Variants in CMTR2 observed in about 807,000 individuals in gnomAD.
The protein encoded by CMTR2 is cap-specific mRNA (nucleoside-2'-O-)-methyltransferase 2.
Under a neutral mutation model 49.8 loss-of-function variants are expected in CMTR2, and 40 were observed. The ratio of observed to expected loss-of-function variants is 0.80; its 90% CI spans 0.62 to 1.04. CMTR2 has a LOEUF of 1.04. Ranked by LOEUF, CMTR2 falls within the 50% of genes least tolerant of loss-of-function variation. The pLI is 0.00. For synonymous variants in CMTR2, 326 were observed against 315.8 expected (o/e 1.03, Z -0.34); for missense variants, 907 against 897.2 (o/e 1.01, Z -0.14).
Position 71,284,353 on chromosome 16 carries a change from A to G in CMTR2, c.1568T>C (p.Ile523Thr). The G allele has an allele frequency of 1.2e-6, 2 of 1,613,546 alleles. No homozygotes were observed. The highest frequency in any genetic ancestry group is 8.5e-7 in the Non-Finnish European group (1 of 1,179,850). Residue 523 changes from isoleucine to threonine, a missense_variant, in exon 3 of 3, where the codon ATT becomes ACT. Ile to Thr is a moderately conservative substitution (Grantham distance 89). Transcript: ENST00000434935. ...GEILKTLNEAIEKSLGGAFNL... is the reference protein window; with the variant it reads ...GEILKTLNEATEKSLGGAFNL... The stretch of plus-strand genomic sequence containing the variant: ...AAAAGCTCCTCCTAATGACTTTTCA[A>G]TTGCTTCATTAAGAGTTTTTAAAAT...
chr16:71,284,317 G>A lies in CMTR2; in HGVS notation c.1604C>T (p.Ser535Phe), dbSNP rs761701086. The change falls in exon 3 of 3, where the codon TCC (serine) becomes TTC (phenylalanine). Residue 535 changes from serine (S) to phenylalanine (F), a missense_variant. Transcript: ENST00000434935. ...KSLGGAFNLDSKFRPKQQYSC... is the reference protein window; with the variant it reads ...KSLGGAFNLDFKFRPKQQYSC... ...ATACTGCTGTTTTGGCCTAAACTTG[G>A]AATCCAAATTAAAAGCTCCTCCTAA... 6.2e-7 allele frequency: 1 copy of A among 1,613,672 alleles called. No homozygotes were observed. Among genetic ancestry groups the A allele is most frequent in the South Asian group, 1.1e-5 (1 of 90,962 alleles).
intron 2 of CMTR2, chr16:71,288,268 TA>T (rs1195461221): frequency 1.3e-5 from 2 of 152,230 alleles, no homozygotes; most frequent in Non-Finnish European, 2.9e-5. Flanking sequence ...CTCCTTCCAA[TA>T]TTTGCTCAAA....
rs1017091511 is a variant in CMTR2 at position 71,283,259 on chromosome 16, C to A, written c.*349G>T. 10 of 185,098 alleles carry A rather than the reference C, an allele frequency of 5.4e-5. No homozygotes were observed. The highest frequency in any genetic ancestry group is 1.4e-4 in the East Asian group (1 of 7,344). The allele number at this position is 185,098 out of a possible 1,614,324, so 11.5% of individuals were successfully genotyped here. On this transcript the variant is annotated 3_prime_UTR_variant, in exon 3 of 3. Coordinates refer to ENST00000434935, the MANE Select transcript of CMTR2 (RefSeq NM_018348.6). ...GAGGAAATCGGCTGGAAAAAAAAAA[C>A]TAATCTGAACAAAGGTACACAGATG... is the stretch of plus-strand genomic sequence containing the variant.
intron 2 of CMTR2, chr16:71,286,596 G>A (rs2041731748): frequency 1.3e-5 from 2 of 152,020 alleles, no homozygotes; most frequent in Admixed American, 1.3e-4. Context: ...TCTAAGACAG[G>A]CACTTTGGTG....
In CMTR2 at chr16:71,284,573, G is replaced by C. The variant is rs373666425; in HGVS notation, c.1348C>G (p.Leu450Val). ...YFKTYNERKM[L>V]EALSWKDKVA... ...TTATCTTTCCATGAAAGGGCTTCTA[G>C]CATCTTCCTTTCATTATAAGTTTTA... The change falls in exon 3 of 3, where the codon CTA (leucine) becomes GTA (valine). Residue 450 changes from leucine (L) to valine (V), a missense_variant. Transcript: ENST00000434935. 1.2e-6 allele frequency: 2 copies of C among 1,613,544 alleles called. No individual in the cohort carries two copies. The highest frequency in any genetic ancestry group is 1.7e-5 in the Admixed American group (1 of 59,964).
At position 71,283,680 on chromosome 16, in the gene CMTR2, A is replaced by G. The variant is rs1374930340; in HGVS notation, c.2241T>C (p.Ala747=). 1 of 1,613,832 alleles carries G rather than the reference A, an allele frequency of 6.2e-7. No homozygotes were observed. The highest frequency in any genetic ancestry group is 1.1e-5 in the South Asian group (1 of 91,062). ...GAATAATGAAATGCAAATGCCTTTT[A>G]GCAATGGCAGCATTCAAATCCCACA... ...DFLWDLNAAI[A]KRHLHFIIQR... The change falls in exon 3 of 3, where the codon GCT becomes GCC. Residue 747 remains alanine (A), a synonymous_variant. Transcript: ENST00000434935.
Position 71,285,405 on chromosome 16 carries a change from A to T in CMTR2, c.516T>A (p.Asn172Lys). ...RFPCHWSWVA[N>K]TLNPYHEAND... is the part of the protein sequence containing the mutation. ...TTGCTTCATGGTATGGATTCAGAGT[A>T]TTCGCTACCCAACTCCAATGACAAG... is the stretch of plus-strand genomic sequence containing the variant. Residue 172 changes from asparagine (N) to lysine (K), a missense_variant, in exon 3 of 3, where the codon AAT becomes AAA. Physicochemically the swap from Asn to Lys is moderately conservative, Grantham distance 94. Coordinates refer to ENST00000434935, the MANE Select transcript of CMTR2 (RefSeq NM_018348.6). 6.2e-7 allele frequency: 1 copy of T among 1,614,176 alleles called. No homozygotes were observed. Among genetic ancestry groups the T allele is most frequent in the Non-Finnish European group, 8.5e-7 (1 of 1,179,988 alleles).
In CMTR2 at chr16:71,284,240, T is replaced by G; in HGVS notation, c.1681A>C (p.Ser561Arg). The G allele has an allele frequency of 6.2e-7, 1 of 1,614,072 alleles. No individual in the cohort carries two copies. The highest frequency in any genetic ancestry group is 8.5e-7 in the Non-Finnish European group (1 of 1,179,944). ...SEELIFSELCSLTECLQDEQV... is the reference protein window; with the variant it reads ...SEELIFSELCRLTECLQDEQV... ...TCATCCTGAAGGCACTCAGTAAGGCTACACAACTCGGAAAATATCAGTTCT... is the reference window on the plus strand; with the variant it reads ...TCATCCTGAAGGCACTCAGTAAGGCGACACAACTCGGAAAATATCAGTTCT... The change falls in exon 3 of 3, where the codon AGC becomes CGC. Residue 561 changes from serine to arginine, a missense_variant. Coordinates refer to ENST00000434935, the MANE Select transcript of CMTR2 (RefSeq NM_018348.6).
Position 71,284,466 on chromosome 16 carries a change from T to C in CMTR2, c.1455A>G (p.Thr485=). The C allele has an allele frequency of 6.2e-7, 1 of 1,614,046 alleles. No homozygotes were observed. Among genetic ancestry groups the C allele is most frequent in the Non-Finnish European group, 8.5e-7 (1 of 1,179,976 alleles). The change falls in exon 3 of 3, where the codon ACA becomes ACG. Residue 485 remains threonine, a synonymous_variant. Transcript: ENST00000434935. ...HPGQSSILEG[T]ASNLECHLWH... ...ATAAGTGACACTCAAGATTGGAAGC[T>C]GTTCCTTCTAAAATAGAACTCTGCC...
In CMTR2 at chr16:71,284,780, G is replaced by C; in HGVS notation, c.1141C>G (p.Leu381Val). The stretch of plus-strand genomic sequence containing the variant: ...TCCGCCTTTCCCATGCACTCAAATA[G>C]ACGAATGTTTTCAGAAATAGTCTCT... ...QLETISENIR[L>V]FECMGKAEQE... is the part of the protein sequence containing the mutation. Residue 381 changes from leucine (L) to valine (V), a missense_variant, in exon 3 of 3, where the codon CTA becomes GTA. Leu to Val is a conservative substitution (Grantham distance 32, BLOSUM62 1). Coordinates refer to ENST00000434935, the MANE Select transcript of CMTR2 (RefSeq NM_018348.6). 1 of 1,613,704 alleles carries C rather than the reference G, an allele frequency of 6.2e-7. No homozygotes were observed. Among genetic ancestry groups the C allele is most frequent in the Non-Finnish European group, 8.5e-7 (1 of 1,179,912 alleles).
Position 71,285,266 on chromosome 16 carries a change from G to T in CMTR2, c.655C>A (p.Leu219Ile), listed in dbSNP as rs753705505. 1 of 1,614,014 alleles carries T rather than the reference G, an allele frequency of 6.2e-7. No homozygotes were observed. Among genetic ancestry groups the T allele is most frequent in the Admixed American group, 1.7e-5 (1 of 60,026 alleles). ...DIMTLKFLTG[L>I]QNFISSMATV... is the part of the protein sequence containing the mutation. ...GCCATGCTGCTTATGAAATTCTGAA[G>T]TCCAGTCAAGAATTTCAGGGTCATG... is the stretch of plus-strand genomic sequence containing the variant. Residue 219 changes from leucine (L) to isoleucine (I), a missense_variant, in exon 3 of 3, where the codon CTT becomes ATT. Physicochemically the swap from Leu to Ile is conservative, Grantham distance 5. Transcript: ENST00000434935.
In CMTR2 at chr16:71,282,446, A is replaced by T. The variant is rs2144831533; in HGVS notation, c.*1162T>A. 1 of 152,266 alleles carries T rather than the reference A, an allele frequency of 6.6e-6. No homozygotes were observed. Among genetic ancestry groups the T allele is most frequent in the Admixed American group, 6.5e-5 (1 of 15,294 alleles). The allele number at this position is 152,266 out of a possible 1,614,324, so 9.4% of individuals were successfully genotyped here. On this transcript the variant is annotated 3_prime_UTR_variant, in exon 3 of 3. Coordinates refer to ENST00000434935, the MANE Select transcript of CMTR2 (RefSeq NM_018348.6). ...ATCAAAAGTGCCTAAAATGCATGTGAGAATATAAATATTCTCCACTTTGTG... is the reference window on the plus strand; with the variant it reads ...ATCAAAAGTGCCTAAAATGCATGTGTGAATATAAATATTCTCCACTTTGTG...
Position 71,284,306 on chromosome 16 carries a change from G to A in CMTR2, c.1615C>T (p.Pro539Ser), listed in dbSNP as rs2144841372. ...CAAGAACAAGAATACTGCTGTTTTG[G>A]CCTAAACTTGGAATCCAAATTAAAA... The part of the protein sequence containing the change: ...GAFNLDSKFR[P>S]KQQYSCSCHV... The change falls in exon 3 of 3, where the codon CCA (proline) becomes TCA (serine). Residue 539 changes from proline to serine, a missense_variant. Pro to Ser is a moderately conservative substitution (Grantham distance 74). Coordinates refer to ENST00000434935, the MANE Select transcript of CMTR2 (RefSeq NM_018348.6). 1 of 1,613,786 alleles carries A rather than the reference G, an allele frequency of 6.2e-7. No individual in the cohort carries two copies. Among genetic ancestry groups the A allele is most frequent in the East Asian group, 2.2e-5 (1 of 44,874 alleles).
At chr16:71,288,713 G>A (rs777194735) in intron 2 of CMTR2, 165 bp downstream of exon 2, 1 of 151,216 alleles carries the variant, frequency 6.6e-6, no homozygotes, top group African/African-American at 2.4e-5. Context: ...ATGATCCTCT[G>A]AGCCTTTCAT....
chr16:71,281,816 A>G lies in CMTR2; in HGVS notation c.*1792T>C, dbSNP rs745991071. ...TTTGAAGGGCTTAAAGACAGTAATAATGCTAGAATCTGGACCCATGCCTTC... is the reference window on the plus strand; with the variant it reads ...TTTGAAGGGCTTAAAGACAGTAATAGTGCTAGAATCTGGACCCATGCCTTC... On this transcript the variant is annotated 3_prime_UTR_variant, in exon 3 of 3. Coordinates refer to ENST00000434935, the MANE Select transcript of CMTR2 (RefSeq NM_018348.6). 2.0e-5 allele frequency: 3 copies of G among 152,064 alleles called. No individual in the cohort carries two copies. The highest frequency in any genetic ancestry group is 6.6e-5 in the Admixed American group (1 of 15,260). The allele number at this position is 152,064 out of a possible 1,614,324, so 9.4% of individuals were successfully genotyped here.
intron 2 of CMTR2, chr16:71,286,942 A>C (rs1363439988): frequency 6.6e-6 from 1 of 152,130 alleles, no homozygotes; most frequent in Non-Finnish European, 1.5e-5. Context: ...GAAACAAAGA[A>C]ACCTCTTCCT....
rs1316685540 is a variant in CMTR2 at position 71,283,390 on chromosome 16, T to C, written c.*218A>G. The C allele has an allele frequency of 1.7e-6, 1 of 574,042 alleles. No individual in the cohort carries two copies. Among genetic ancestry groups the C allele is most frequent in the Non-Finnish European group, 3.0e-6 (1 of 328,710 alleles). 35.6% of individuals were successfully genotyped at this position (574,042 alleles called of 1,614,324 possible). A position where few individuals can be genotyped will look rare whatever the true frequency, so the allele number is the denominator to read the frequency against. On this transcript the variant is annotated 3_prime_UTR_variant, in exon 3 of 3. Coordinates refer to ENST00000434935, the MANE Select transcript of CMTR2 (RefSeq NM_018348.6). ...CTCATATTTAGAGTGTGAATATCTA[T>C]CATTGCATAGATTCCACCACGTGGA...
At position 71,283,643 on chromosome 16, in the gene CMTR2, C is replaced by T. The variant is rs1239587886; in HGVS notation, c.2278G>A (p.Glu760Lys). The T allele has an allele frequency of 6.2e-7, 1 of 1,608,746 alleles. No homozygotes were observed. The highest frequency in any genetic ancestry group is 2.2e-5 in the East Asian group (1 of 44,846). The change falls in exon 3 of 3, where the codon GAA (glutamate) becomes AAA (lysine). Residue 760 changes from glutamate to lysine, a missense_variant. Coordinates refer to ENST00000434935, the MANE Select transcript of CMTR2 (RefSeq NM_018348.6). ...AACTGAAGGCTGTTGATAATTTCTTCTCTCTCTCTTTGAATAATGAAATGC... is the reference window on the plus strand; with the variant it reads ...AACTGAAGGCTGTTGATAATTTCTTTTCTCTCTCTTTGAATAATGAAATGC... ...HLHFIIQRER[E>K]EIINSLQLQN
At position 71,282,886 on chromosome 16, in the gene CMTR2, C is replaced by G. The variant is rs60623903; in HGVS notation, c.*722G>C. 1.8e-4 allele frequency: 27 copies of G among 152,436 alleles called. No homozygotes were observed. 9.4% of individuals were successfully genotyped at this position (152,436 alleles called of 1,614,324 possible). A position where few individuals can be genotyped will look rare whatever the true frequency, so the allele number is the denominator to read the frequency against. Reference sequence around the variant, plus strand: ...CAATACAGGCGTGTATTAGATACAACAAATAATTTTTCATTGTTCTAAACA... The same window carrying G: ...CAATACAGGCGTGTATTAGATACAAGAAATAATTTTTCATTGTTCTAAACA... On this transcript the variant is annotated 3_prime_UTR_variant, in exon 3 of 3. Transcript: ENST00000434935.
Sources: allele counts gnomAD v4.1 joint callset, GRCh38; gene constraint gnomAD v4.1.1; transcripts MANE v1.5; gene names NCBI Gene and HGNC (gene_info 2026-07-23, HGNC 2026-07-21).